The following UNC13A variants were observed in gnomAD, a reference collection of about 807,000 sequenced individuals.
The protein encoded by UNC13A is unc-13 homolog A.
Under a neutral mutation model 219.7 loss-of-function variants are expected in UNC13A, and 61 were observed. That is an observed-to-expected ratio of 0.28 (90% CI 0.23 to 0.34). UNC13A has a LOEUF of 0.34. UNC13A is among the 10% of genes least tolerant of loss of function. The pLI, the probability that UNC13A is intolerant of heterozygous loss-of-function variation, is 1.00. For synonymous variants in UNC13A, 920 were observed against 884.6 expected, an observed-to-expected ratio of 1.04 and a Z score of -0.71; for missense variants, 1,476 against 2,270.3, an observed-to-expected ratio of 0.65 and a Z score of 7.11.
chr19:17,667,176 G>T (rs148121288), intron 6 of UNC13A, among the ~76,000 whole-genome samples: 1 of 151,984 alleles, frequency 6.6e-6, no homozygotes, highest in Admixed American at 6.5e-5. Flanking sequence ...ACTTGAACCC[G>T]GGAGGTGGAG....
intron 39 of UNC13A, 36 bp from the exon 40 acceptor site, chr19:17,618,537 T>A: frequency 6.5e-7 from 1 of 1,549,906 alleles, no homozygotes; most frequent in Non-Finnish European, 8.8e-7. Flanking sequence ...GTGGGTGGAG[T>A]GGGCTCCACC....
At chr19:17,617,920 T>G in intron 40 of UNC13A, 71 bp from the exon 41 acceptor site, 1 of 1,578,316 alleles carries the variant, frequency 6.3e-7, no homozygotes, top group African/African-American at 1.3e-5. Context: ...TGGGTAGCCC[T>G]GCTGTCCCCA....
At position 17,676,541 on chromosome 19, in the gene UNC13A, A is replaced by G. The variant is rs374473816; in HGVS notation, c.23-500T>C. Among the ~76,000 whole-genome samples the G allele has an allele frequency of 1.9e-4, 29 of 152,232 alleles. No homozygotes were observed. The East Asian group carries it at 4.8e-3, about 25-fold the overall frequency. The stretch of plus-strand genomic sequence containing the variant: ...AAGAGGGGAAGTTGAGGAGGTGGAG[A>G]AGAAGAAGGCGAGGATAAAGACAAT... On this transcript the variant is annotated intron_variant, in intron 1 of 43. Transcript: ENST00000519716.
In UNC13A at chr19:17,688,345, C is replaced by T. The variant is rs1328081923; in HGVS notation, c.-146G>A. On this transcript the variant is annotated 5_prime_UTR_variant, in exon 1 of 44. Transcript: ENST00000519716. ...GCCGCCACCGGCCATCTTGGTTCAGCACCGGGGGCGCGGACAGCGCCTGAC... is the reference window on the plus strand; with the variant it reads ...GCCGCCACCGGCCATCTTGGTTCAGTACCGGGGGCGCGGACAGCGCCTGAC... 1.5e-6 allele frequency: 2 copies of T among 1,300,546 alleles called. No homozygotes were observed. Among genetic ancestry groups the T allele is most frequent in the East Asian group, 3.3e-5 (1 of 30,156 alleles). 80.6% of individuals were successfully genotyped at this position (1,300,546 alleles called of 1,614,324 possible).
chr19:17,608,676 C>A (rs900504806), intron 43 of UNC13A, among the ~76,000 whole-genome samples: 10 of 151,372 alleles, frequency 6.6e-5, no homozygotes, highest in Non-Finnish European at 1.0e-4. Flanking sequence ...CGCCACCACG[C>A]CTGGCTAGGT....
At chr19:17,656,523 G>T in intron 9 of UNC13A, 125 bp from the exon 10 acceptor site, 2 of 1,037,156 alleles carry the variant, frequency 1.9e-6, no homozygotes, top group South Asian at 1.8e-5. Flanking sequence ...TGCTCTAGGG[G>T]CTGGAAAACA....
intron 38 of UNC13A, 80 bp downstream of exon 38, chr19:17,620,611 CCA>C (rs2144962571): frequency 7.1e-7 from 1 of 1,409,164 alleles, no homozygotes; most frequent in Non-Finnish European, 9.8e-7. Flanking sequence ...ACGGCACGAA[CCA>C]CAGAGGTGGA....
chr19:17,618,354 T>A (rs935948923), intron 40 of UNC13A, 67 bp downstream of exon 40: 2 of 1,499,886 alleles, frequency 1.3e-6, no homozygotes, highest in Non-Finnish European at 1.8e-6. Context: ...CGAGCCTAAG[T>A]CCATGACCAC....
intron 1 of UNC13A, among the ~76,000 whole-genome samples, chr19:17,685,016 T>C (rs2080083324): frequency 6.6e-6 from 1 of 152,238 alleles, no homozygotes; most frequent in Admixed American, 6.5e-5. Flanking sequence ...AATGTGTATT[T>C]ACTTGTATGC....
At chr19:17,606,520 C>G (rs2076532665) in intron 43 of UNC13A, among the ~76,000 whole-genome samples, 166 bp from the exon 44 acceptor site, 1 of 152,124 alleles carries the variant, frequency 6.6e-6, no homozygotes, top group Non-Finnish European at 1.5e-5. Context: ...TGACCTACAA[C>G]CCTGTGCTTG....
intron 1 of UNC13A, among the ~76,000 whole-genome samples, chr19:17,684,405 T>C (rs1209127226): frequency 1.3e-5 from 2 of 152,148 alleles, no homozygotes; most frequent in Non-Finnish European, 2.9e-5. Context: ...TGGCTAGGAA[T>C]AGGGCTGGGT....
chr19:17,618,536 G>A lies in UNC13A; in HGVS notation c.4330-35C>T, dbSNP rs776184848. The A allele has an allele frequency of 6.4e-6, 10 of 1,561,074 alleles. No individual in the cohort carries two copies. The South Asian group carries it at 8.2e-5, about 13-fold the overall frequency. On this transcript the variant is annotated intron_variant, in intron 39 of 43. Coordinates refer to ENST00000519716, the MANE Select transcript of UNC13A (RefSeq NM_001080421.3). ...TGGGGAGAGGGGCCATGTGGGTGGAGTGGGCTCCACCTTTGGAATCTGTGT... is the reference window on the plus strand; with the variant it reads ...TGGGGAGAGGGGCCATGTGGGTGGAATGGGCTCCACCTTTGGAATCTGTGT...
In UNC13A at chr19:17,649,038, C is replaced by G. The variant is rs755831506; in HGVS notation, c.1525-55G>C. On this transcript the variant is annotated intron_variant, in intron 14 of 43. Coordinates refer to ENST00000519716, the MANE Select transcript of UNC13A (RefSeq NM_001080421.3). This position sits in a 1 kb window ranked among gnomAD's most constrained non-coding sequence, Gnocchi z 4.4. ...GGGGTTGACATCCATGAGATCACCA[C>G]CAGGAGAGTTCACAGCCACGGATGG... 1.3e-6 allele frequency: 2 copies of G among 1,522,466 alleles called. No individual in the cohort carries two copies. 94.3% of individuals were successfully genotyped at this position (1,522,466 alleles called of 1,614,324 possible). A position where few individuals can be genotyped will look rare whatever the true frequency, so the allele number is the denominator to read the frequency against.
At chr19:17,658,313 G>A (rs777651148) in intron 8 of UNC13A, 44 bp from the exon 9 acceptor site, 2 of 1,562,924 alleles carry the variant, frequency 1.3e-6, no homozygotes. Flanking sequence ...GGAAGAGAGA[G>A]TGCACATGAT....
At chr19:17,619,808 G>C (rs2076708966) in intron 38 of UNC13A, among the ~76,000 whole-genome samples, 1 of 152,144 alleles carries the variant, frequency 6.6e-6, no homozygotes, top group Non-Finnish European at 1.5e-5. Context: ...CCCCCAAACA[G>C]ACACTAGCAA....
intron 19 of UNC13A, among the ~76,000 whole-genome samples, chr19:17,644,523 G>GTT (rs57314065): frequency 4.8e-4 from 48 of 99,154 alleles, no homozygotes; most frequent in African/African-American, 1.5e-3. Flanking sequence ...TTTTTCTTTT[G>GTT]TTTTTTTTTT....
In UNC13A at chr19:17,617,742, G is replaced by A; in HGVS notation, c.4518C>T (p.Asp1506=). ...TCTGTACAAAGGTCTTGATTAGCAG[G>A]TCGGTGGCCTGCGTGTAGAGCGACA... ...YALSLYTQAT[D]LLIKTFVQTQ... The change falls in exon 41 of 44, where the codon GAC becomes GAT. Residue 1506 remains aspartate (D), a synonymous_variant. Transcript: ENST00000519716. The A allele has an allele frequency of 6.2e-7, 1 of 1,613,976 alleles. No homozygotes were observed. The highest frequency in any genetic ancestry group is 1.7e-5 in the Admixed American group (1 of 60,026).
intron 29 of UNC13A, 78 bp from the exon 30 acceptor site, chr19:17,630,366 A>C: frequency 7.9e-6 from 12 of 1,525,616 alleles, no homozygotes; most frequent in African/African-American, 1.4e-5. Context: ...CCCACTCTCC[A>C]CGGGGAGAGC....
chr19:17,676,144 AG>A, intron 1 of UNC13A, 103 bp from the exon 2 acceptor site: 1 of 1,213,526 alleles, frequency 8.2e-7, no homozygotes, highest in Non-Finnish European at 1.2e-6. Flanking sequence ...TGGAGACATA[AG>A]GAGAGAGACA....
Sources: allele counts gnomAD v4.1 joint callset (sites outside exome capture counted in the v4.1 genomes callset), GRCh38; gene constraint gnomAD v4.1.1; non-coding constraint Gnocchi (gnomAD v3.1); transcripts MANE v1.5; gene names NCBI Gene and HGNC (gene_info 2026-07-23, HGNC 2026-07-21).